Variants in NEB observed in about 807,000 individuals in gnomAD.
NEB encodes the protein nemaline myopathy type 2.
A neutral mutation model predicts 952.2 loss-of-function variants in NEB; 512 were observed. The ratio of observed to expected loss-of-function variants is 0.54; its 90% CI spans 0.50 to 0.58. NEB has a LOEUF of 0.58. NEB is among the 20% of genes least tolerant of loss of function. The probability of loss-of-function intolerance (pLI) is 0.00; values close to 1 mark genes in which losing one functional copy is unlikely to be tolerated. For synonymous variants in NEB, 2,900 were observed against 3,149.8 expected (o/e 0.92, Z 2.66); for missense variants, 8,428 against 9,231.1 (o/e 0.91, Z 3.56).
chr2:151,512,482 C>T (rs1292491739), intron 161 of NEB, among the ~76,000 whole-genome samples: 1 of 152,104 alleles, frequency 6.6e-6, no homozygotes, highest in African/African-American at 2.4e-5. Context: ...ACCACCACAC[C>T]TGGCCAATTT....
In NEB at chr2:151,489,957, T is replaced by C. The variant is rs1247185102; in HGVS notation, c.25404+14A>G. 1.2e-5 allele frequency: 19 copies of C among 1,520,402 alleles called. No individual in the cohort carries two copies. Among genetic ancestry groups the C allele is most frequent in the Non-Finnish European group, 1.7e-5 (19 of 1,094,704 alleles). The allele number at this position is 1,520,402 out of a possible 1,614,324, so 94.2% of individuals were successfully genotyped here. A position where few individuals can be genotyped will look rare whatever the true frequency, so the allele number is the denominator to read the frequency against. On this transcript the variant is annotated intron_variant, in intron 181 of 181. Transcript: ENST00000397345. ...TTAAGAATAATTTATTTAAGTGAGTTGTTATTCACTTACTCCAGCAGTAGA... is the reference window on the plus strand; with the variant it reads ...TTAAGAATAATTTATTTAAGTGAGTCGTTATTCACTTACTCCAGCAGTAGA...
At chr2:151,491,430 C>T in intron 179 of NEB, 1 of 341,734 alleles carries the variant, frequency 2.9e-6, no homozygotes, top group Non-Finnish European at 5.5e-6. Context: ...ACTGTTTTTT[C>T]TTTGGAAGAA....
chr2:151,571,393 C>T (rs1327769008), intron 107 of NEB, among the ~76,000 whole-genome samples: 1 of 152,122 alleles, frequency 6.6e-6, no homozygotes, highest in Admixed American at 6.6e-5. Flanking sequence ...GCTTTGTTTT[C>T]TTGTGTTGGT....
intron 12 of NEB, among the ~76,000 whole-genome samples, chr2:151,708,850 C>A (rs985475082): frequency 3.3e-5 from 5 of 152,216 alleles, no homozygotes; most frequent in African/African-American, 7.2e-5. Context: ...GACCAAAACC[C>A]GTGTCATCCA....
At chr2:151,499,105 A>ATTAAG (rs913430202) in intron 169 of NEB, among the ~76,000 whole-genome samples, 193 bp downstream of exon 169, 8 of 152,114 alleles carry the variant, frequency 5.3e-5, no homozygotes, top group African/African-American at 1.9e-4. Context: ...CACTTTTTTT[A>ATTAAG]TTAAGTTAAA....
At chr2:151,560,869 A>G (rs970768111) in intron 123 of NEB, 135 bp downstream of exon 123, 7 of 756,844 alleles carry the variant, frequency 9.2e-6, no homozygotes, top group Non-Finnish European at 1.5e-5. Flanking sequence ...TTTATGAGGT[A>G]AAGTAAGATT....
chr2:151,662,237 A>T lies in NEB; in HGVS notation c.5868T>A (p.Ser1956Arg). 6.2e-7 allele frequency: 1 copy of T among 1,613,624 alleles called. No individual in the cohort carries two copies. The highest frequency in any genetic ancestry group is 8.5e-7 in the Non-Finnish European group (1 of 1,179,672). The change falls in exon 46 of 182, where the codon AGT (serine) becomes AGA (arginine). Residue 1956 changes from serine (S) to arginine (R), a missense_variant. Transcript: ENST00000397345. ...EKNKKAMEII[S>R]EKKYRQHPDT... Reference sequence around the variant, plus strand: ...CTGGGTGCTGGCGGTACTTCTTTTCACTAATAATCTCCATGGCTTTCTTGT... The same window carrying T: ...CTGGGTGCTGGCGGTACTTCTTTTCTCTAATAATCTCCATGGCTTTCTTGT...
At position 151,727,875 on chromosome 2, in the gene NEB, G is replaced by A; in HGVS notation, c.110C>T (p.Thr37Ile). 1 of 1,613,526 alleles carries A rather than the reference G, an allele frequency of 6.2e-7. No homozygotes were observed. The highest frequency in any genetic ancestry group is 8.5e-7 in the Non-Finnish European group (1 of 1,179,694). ...TGATTGCTCATAGTCAGATGTCCTT[G>A]TTGTCGTAGTCTCATAAATTTTTGT... Reference protein sequence around the residue: ...TITKIYETTTTRTSDYEQSET... With the variant: ...TITKIYETTTIRTSDYEQSET... Residue 37 changes from threonine to isoleucine, a missense_variant, in exon 5 of 182, where the codon ACA (threonine) becomes ATA (isoleucine). Thr to Ile is a moderately conservative substitution (Grantham distance 89). Around this residue, in one of 11 missense-constraint regions of NEB, gnomAD observed 2,851 missense variants for 2,791.5 expected, o/e 1.02. Coordinates refer to ENST00000397345, the MANE Select transcript of NEB (RefSeq NM_001164508.2).
At position 151,544,844 on chromosome 2, in the gene NEB, C is replaced by G. The variant is rs994090096; in HGVS notation, c.20577+1044G>C. The stretch of plus-strand genomic sequence containing the variant: ...GAAGCCAATGCTCAGCTGGGTGAAG[C>G]CACAATACAGAATGGTGAATGCACA... On this transcript the variant is annotated intron_variant, in intron 135 of 181. Coordinates refer to ENST00000397345, the MANE Select transcript of NEB (RefSeq NM_001164508.2). Among the ~76,000 whole-genome samples the G allele has an allele frequency of 2.6e-5, 4 of 152,188 alleles. No homozygotes were observed. In the East Asian group the frequency reaches 5.8e-4, roughly 22 times the overall value.
intron 24 of NEB, chr2:151,689,578 A>C (rs1212231449): frequency 1.3e-5 from 2 of 152,334 alleles, no homozygotes; most frequent in African/African-American, 4.8e-5. Flanking sequence ...GGTGTAAGGA[A>C]GGGAGTGTAA....
At chr2:151,636,442 T>C (rs2098764739) in intron 63 of NEB, 108 bp from the exon 64 acceptor site, 1 of 889,680 alleles carries the variant, frequency 1.1e-6, no homozygotes, top group Admixed American at 2.7e-5. Context: ...TAATAATCTT[T>C]CTTTTGAGAG....
At position 151,650,785 on chromosome 2, in the gene NEB, T is replaced by C. The variant is rs1452924362; in HGVS notation, c.7016A>G (p.Lys2339Arg). 3.2e-5 allele frequency: 51 copies of C among 1,613,862 alleles called. No individual in the cohort carries two copies. The highest frequency in any genetic ancestry group is 3.7e-5 in the Non-Finnish European group (44 of 1,179,864). The change falls in exon 53 of 182, where the codon AAA becomes AGA. Residue 2339 changes from lysine (K) to arginine (R), a missense_variant. This residue lies in a region of NEB where 1,772 missense variants were observed against 1,960.3 expected (regional missense o/e 0.90). Coordinates refer to ENST00000397345, the MANE Select transcript of NEB (RefSeq NM_001164508.2). Reference protein sequence around the residue: ...PKLVLSMNVAKMQSEREYKKD... With the variant: ...PKLVLSMNVARMQSEREYKKD... Reference sequence around the variant, plus strand: ...CTTGTATTCTCTTTCACTCTGCATTTTGGCTACATTCATGGACAACACAAG... The same window carrying C: ...CTTGTATTCTCTTTCACTCTGCATTCTGGCTACATTCATGGACAACACAAG...
chr2:151,485,625 G>T lies in NEB; in HGVS notation c.*135C>A. ...TTTTAAAACCCAAAGGAGAAAGGAT[G>T]GTACTACCATAAATCACATTGACAC... On this transcript the variant is annotated 3_prime_UTR_variant, in exon 182 of 182. Coordinates refer to ENST00000397345, the MANE Select transcript of NEB (RefSeq NM_001164508.2). The T allele has an allele frequency of 1.3e-6, 1 of 749,094 alleles. No individual in the cohort carries two copies. The highest frequency in any genetic ancestry group is 2.0e-6 in the Non-Finnish European group (1 of 488,014). 46.4% of individuals were successfully genotyped at this position (749,094 alleles called of 1,614,324 possible). A position where few individuals can be genotyped will look rare whatever the true frequency, so the allele number is the denominator to read the frequency against.
intron 10 of NEB, among the ~76,000 whole-genome samples, chr2:151,714,053 T>G (rs931417360): frequency 6.6e-6 from 1 of 152,146 alleles, no homozygotes; most frequent in Non-Finnish European, 1.5e-5. Flanking sequence ...AGAGACTTCT[T>G]TCTACATAAA....
Position 151,723,381 on chromosome 2 carries a change from C to A in NEB, c.717+1G>T. On this transcript the variant is annotated splice_donor_variant, in intron 9 of 181. Transcript: ENST00000397345. LOFTEE classifies it high-confidence loss of function. ...AGTGGTGCCACTTGCATTTCACTTACATCACTGAGAGCTTTCTGGGCCTGG... is the reference window on the plus strand; with the variant it reads ...AGTGGTGCCACTTGCATTTCACTTAAATCACTGAGAGCTTTCTGGGCCTGG... The A allele has an allele frequency of 6.2e-7, 1 of 1,603,388 alleles. No homozygotes were observed. Among genetic ancestry groups the A allele is most frequent in the Non-Finnish European group, 8.5e-7 (1 of 1,174,452 alleles).
chr2:151,551,779 C>T lies in NEB; in HGVS notation c.19903G>A (p.Asp6635Asn), dbSNP rs534519331. 4.3e-6 allele frequency: 7 copies of T among 1,613,566 alleles called. No individual in the cohort carries two copies. Among genetic ancestry groups the T allele is most frequent in the East Asian group, 2.2e-5 (1 of 44,810 alleles). The change falls in exon 129 of 182, where the codon GAT (aspartate) becomes AAT (asparagine). Residue 6635 changes from aspartate to asparagine, a missense_variant. Coordinates refer to ENST00000397345, the MANE Select transcript of NEB (RefSeq NM_001164508.2). ...GKVAPTTKTV[D>N]LDRALHAYKL... is the part of the protein sequence containing the mutation. ...TATGCATGAAGGGCCCGGTCCAGAT[C>T]CACGGTTTTGGTAGTTGGAGCCACT...
At chr2:151,662,409 T>A in intron 45 of NEB, 68 bp from the exon 46 acceptor site, 1 of 1,264,434 alleles carries the variant, frequency 7.9e-7, no homozygotes, top group Non-Finnish European at 1.1e-6. Context: ...AGTGTGTGTT[T>A]AACATTCTGT....
At chr2:151,520,321 G>A (rs1575997785) in intron 153 of NEB, among the ~76,000 whole-genome samples, 3 of 152,078 alleles carry the variant, frequency 2.0e-5, no homozygotes, top group East Asian at 3.9e-4. Context: ...AAATATGAGA[G>A]TTTGGGGGTT....
intron 156 of NEB, among the ~76,000 whole-genome samples, chr2:151,518,101 C>G (rs1483151448): frequency 6.6e-6 from 1 of 152,182 alleles, no homozygotes; most frequent in East Asian, 1.9e-4. Flanking sequence ...CTTCCAGCCC[C>G]TGCCAGTAGC....
Sources: gnomAD v4.1 joint callset for allele counts (sites outside exome capture counted in the v4.1 genomes callset) on GRCh38, gnomAD v4.1.1 for gene constraint, gnomAD v4.1.1 regional missense constraint, MANE v1.5 for transcripts, NCBI Gene and HGNC (gene_info 2026-07-23, HGNC 2026-07-21) for gene names.